Variants in NEK11 observed in about 807,000 individuals in gnomAD.
NEK11 encodes serine/threonine-protein kinase Nek11.
NEK11 carries 72 observed loss-of-function variants against 80.7 expected under a neutral mutation model. The ratio of observed to expected loss-of-function variants is 0.89; its 90% confidence interval spans 0.74 to 1.08. NEK11 has a LOEUF of 1.08. Ranked by LOEUF, NEK11 falls within the 50% of genes least tolerant of loss-of-function variation. The pLI is 0.00. For synonymous variants in NEK11, 251 were observed against 260.7 expected (o/e 0.96, Z 0.36); for missense variants, 764 against 763.6 (o/e 1.00, Z -0.01).
intron 17 of NEK11, among the ~76,000 whole-genome samples, chr3:131,287,330 G>A (rs2096485600): frequency 2.0e-5 from 3 of 152,190 alleles, no homozygotes; most frequent in African/African-American, 7.2e-5. Flanking sequence ...CTGGGGTGCA[G>A]TGGTGTGATC....
intron 14 of NEK11, among the ~76,000 whole-genome samples, chr3:131,226,633 C>T (rs1433913666): frequency 1.3e-5 from 2 of 151,990 alleles, no homozygotes; most frequent in African/African-American, 4.8e-5. Context: ...GCTATGGGTA[C>T]ACAGAGGCAT....
At chr3:131,139,208 A>C (rs114686811) in intron 7 of NEK11, among the ~76,000 whole-genome samples, 3 of 151,968 alleles carry the variant, frequency 2.0e-5, no homozygotes, top group Non-Finnish European at 4.4e-5. Context: ...AGAATCAAGC[A>C]GAAGTTCTGG....
chr3:131,221,618 A>G (rs1468068443), intron 14 of NEK11, among the ~76,000 whole-genome samples: 1 of 152,162 alleles, frequency 6.6e-6, no homozygotes, highest in Non-Finnish European at 1.5e-5. Context: ...TTTAGAGGAA[A>G]CTTGGTTTTC....
At chr3:131,190,286 C>T (rs1474099692) in intron 14 of NEK11, among the ~76,000 whole-genome samples, 1 of 152,178 alleles carries the variant, frequency 6.6e-6, no homozygotes, top group African/African-American at 2.4e-5. Context: ...CAAATCCCTG[C>T]CTCCATGGAG....
rs958006755 is a variant in NEK11 at position 131,265,643 on chromosome 3, C to T, written c.1622-7835C>T. Among the ~76,000 whole-genome samples, 5 of 152,066 alleles carry T rather than the reference C, an allele frequency of 3.3e-5. No homozygotes were observed. The East Asian group carries it at 5.8e-4, about 18-fold the overall frequency. ...AGTATTTTATTGAGGATTTTCGCAT[C>T]GATGTTTATCAGGGATATTGGCCTG... On this transcript the variant is annotated intron_variant, in intron 16 of 17. Transcript: ENST00000383366.
intron 14 of NEK11, among the ~76,000 whole-genome samples, chr3:131,186,604 C>T (rs182327163): frequency 3.9e-5 from 6 of 152,184 alleles, no homozygotes; most frequent in East Asian, 1.9e-4. Context: ...CTTTGCCAGC[C>T]GTTTAGAGCC....
chr3:131,344,476 A>C (rs1440329956), intron 17 of NEK11, among the ~76,000 whole-genome samples: 1 of 152,102 alleles, frequency 6.6e-6, no homozygotes, highest in Non-Finnish European at 1.5e-5. Flanking sequence ...AATTCTTCCA[A>C]TTTCTGCCCA....
At chr3:131,288,437 C>CGTTTCTTTCTTT (rs2096499139) in intron 17 of NEK11, among the ~76,000 whole-genome samples, 1 of 52,812 alleles carries the variant, frequency 1.9e-5, no homozygotes, top group Non-Finnish European at 3.7e-5. Flanking sequence ...ATATGGTATG[C>CGTTTCTTTCTTT]ATTTCTTTCT....
intron 16 of NEK11, among the ~76,000 whole-genome samples, chr3:131,272,463 C>CTTCTTTTTTTTTTTTTT (rs2096210843): frequency 5.5e-4 from 24 of 43,902 alleles, no homozygotes; most frequent in East Asian, 2.8e-3. Flanking sequence ...GTTTTAGCTT[C>CTTCTTTTTTTTTTTTTT]TTTTTTTTTT....
At chr3:131,243,243 A>G (rs1427825567) in intron 15 of NEK11, among the ~76,000 whole-genome samples, 193 bp from the exon 16 acceptor site, 2 of 152,150 alleles carry the variant, frequency 1.3e-5, no homozygotes, top group Non-Finnish European at 2.9e-5. Context: ...AGAGCAATAA[A>G]TCTAGAGATT....
intron 14 of NEK11, among the ~76,000 whole-genome samples, chr3:131,206,319 C>G (rs139327631): frequency 4.8e-4 from 73 of 152,286 alleles, no homozygotes; most frequent in African/African-American, 1.7e-3. Context: ...AGAGCTTTTC[C>G]AGATAGGCTG....
intron 5 of NEK11, among the ~76,000 whole-genome samples, chr3:131,120,855 T>G (rs1339543518): frequency 2.0e-5 from 3 of 152,222 alleles, no homozygotes; most frequent in African/African-American, 7.2e-5. Flanking sequence ...TTCTCTATGC[T>G]GTTTATTCTA....
intron 11 of NEK11, among the ~76,000 whole-genome samples, chr3:131,164,388 G>T (rs1290052991): frequency 6.6e-6 from 1 of 152,170 alleles, no homozygotes. Flanking sequence ...CTATGACATT[G>T]AGTGTGAGTT....
At chr3:131,313,614 T>A (rs543194510) in intron 17 of NEK11, among the ~76,000 whole-genome samples, 1 of 152,218 alleles carries the variant, frequency 6.6e-6, no homozygotes, top group African/African-American at 2.4e-5. Flanking sequence ...CACACGTATA[T>A]CTTCTTCTGA....
At chr3:131,041,832 G>T (rs1257380157) in intron 3 of NEK11, among the ~76,000 whole-genome samples, 1 of 152,194 alleles carries the variant, frequency 6.6e-6, no homozygotes, top group Non-Finnish European at 1.5e-5. Context: ...AATAAGAACA[G>T]CTCTGGTCTG....
intron 15 of NEK11, among the ~76,000 whole-genome samples, chr3:131,242,960 C>T (rs960994858): frequency 1.3e-5 from 2 of 152,042 alleles, no homozygotes; most frequent in Non-Finnish European, 2.9e-5. Flanking sequence ...ATTTAGCACT[C>T]CTTGAAGACC....
intron 16 of NEK11, among the ~76,000 whole-genome samples, chr3:131,272,268 A>C (rs1254934031): frequency 6.6e-6 from 1 of 152,046 alleles, no homozygotes; most frequent in African/African-American, 2.4e-5. Context: ...AACTACATGG[A>C]TATAATTTAT....
intron 14 of NEK11, among the ~76,000 whole-genome samples, chr3:131,179,893 A>G (rs755644728): frequency 5.3e-5 from 8 of 152,182 alleles, no homozygotes; most frequent in Non-Finnish European, 1.2e-4. Context: ...ACAATATTAT[A>G]TTTCTCAATT....
At chr3:131,345,691 A>G (rs79096469) in intron 17 of NEK11, among the ~76,000 whole-genome samples, 2,263 of 152,302 alleles carry the variant, frequency 0.015, 54 homozygotes, top group African/African-American at 0.052. Flanking sequence ...GTATATACCC[A>G]AAGGAGAAGA....
Sources: gnomAD v4.1 joint callset for allele counts (sites outside exome capture counted in the v4.1 genomes callset) on GRCh38, gnomAD v4.1.1 for gene constraint, MANE v1.5 for transcripts, NCBI Gene and HGNC (gene_info 2026-07-23, HGNC 2026-07-21) for gene names.